The following SGPL1 variants were observed in gnomAD, a reference collection of about 807,000 sequenced individuals.
The protein encoded by SGPL1 is sphingosine-1-phosphate lyase 1.
SGPL1 carries 37 observed loss-of-function variants against 68.9 expected under a neutral mutation model. That is an observed-to-expected ratio of 0.54 (90% CI 0.41 to 0.71). SGPL1 has a LOEUF of 0.71. Ranked by LOEUF, SGPL1 falls within the 30% of genes least tolerant of loss-of-function variation. The probability of loss-of-function intolerance (pLI) is 0.00; values close to 1 mark genes in which losing one functional copy is unlikely to be tolerated. For missense variants in SGPL1, 551 were observed against 704.6 expected, an observed-to-expected ratio of 0.78 and a Z score of 2.47; for synonymous variants, 236 against 248.5, an observed-to-expected ratio of 0.95 and a Z score of 0.47.
chr10:70,834,058 G>T (rs930289593), intron 2 of SGPL1, among the ~76,000 whole-genome samples: 1 of 152,096 alleles, frequency 6.6e-6, no homozygotes, highest in Non-Finnish European at 1.5e-5. Context: ...TCCCTGCTGC[G>T]TGAATACCGG....
chr10:70,865,324 C>CTTT (rs60825486), intron 7 of SGPL1, among the ~76,000 whole-genome samples: 5 of 148,840 alleles, frequency 3.4e-5, no homozygotes, highest in Non-Finnish European at 7.4e-5. Context: ...TGCACTCACC[C>CTTT]TTTTTTTTTT....
At chr10:70,852,835 G>T (rs1399595738) in intron 4 of SGPL1, among the ~76,000 whole-genome samples, 1 of 152,214 alleles carries the variant, frequency 6.6e-6, no homozygotes, top group African/African-American at 2.4e-5. Context: ...GGATATGGTG[G>T]TGAACAAGAC....
chr10:70,825,859 A>AT (rs1661584334), intron 2 of SGPL1, among the ~76,000 whole-genome samples: 1 of 152,174 alleles, frequency 6.6e-6, no homozygotes, highest in South Asian at 2.1e-4. Flanking sequence ...AGTAATAGAG[A>AT]TTTTTTAAAA....
intron 7 of SGPL1, among the ~76,000 whole-genome samples, chr10:70,865,906 A>AT (rs1306675643): frequency 6.6e-6 from 1 of 152,250 alleles, no homozygotes; most frequent in East Asian, 1.9e-4. Context: ...TCTGAAATAC[A>AT]TATCATATGT....
chr10:70,874,368 G>A (rs1257366157), intron 12 of SGPL1, among the ~76,000 whole-genome samples: 3 of 152,170 alleles, frequency 2.0e-5, no homozygotes, highest in Non-Finnish European at 1.5e-5. Context: ...GATCGCTTCA[G>A]CTCAGGAATT....
intron 7 of SGPL1, chr10:70,866,671 G>C (rs1846194066): frequency 6.6e-6 from 1 of 152,200 alleles, no homozygotes. Context: ...CTAAACCACA[G>C]GACATGCTGC....
chr10:70,840,224 G>A (rs181828785), intron 2 of SGPL1, among the ~76,000 whole-genome samples: 79 of 152,186 alleles, frequency 5.2e-4, no homozygotes, highest in African/African-American at 1.8e-3. Flanking sequence ...AAAGGCATGC[G>A]TTCCTAGACT....
chr10:70,869,039 G>A (rs1846244293), intron 8 of SGPL1: 1 of 152,766 alleles, frequency 6.5e-6, no homozygotes, highest in Non-Finnish European at 1.5e-5. Context: ...ACTTGACAAT[G>A]GGGATTTATT....
At chr10:70,816,947 C>A in intron 2 of SGPL1, 67 bp downstream of exon 2, 5 of 1,448,920 alleles carry the variant, frequency 3.5e-6, no homozygotes, top group Non-Finnish European at 4.9e-6. Flanking sequence ...TCCAAAGGAT[C>A]CCAGTGTGTA....
At chr10:70,861,547 TGAG>T (rs927242870) in intron 7 of SGPL1, among the ~76,000 whole-genome samples, 5 of 152,208 alleles carry the variant, frequency 3.3e-5, no homozygotes, top group African/African-American at 4.8e-5. Context: ...TGGCGGCACT[TGAG>T]GAGCTCTTCA....
intron 14 of SGPL1, among the ~76,000 whole-genome samples, chr10:70,876,971 T>G (rs1164829407): frequency 6.6e-6 from 1 of 152,250 alleles, no homozygotes; most frequent in Non-Finnish European, 1.5e-5. Context: ...TGGAATTTTC[T>G]TAGGCTAGTC....
rs1214511097 is a variant in SGPL1, at chr10:70,877,808, CTTT to C, written c.*495_*497del. 30 of 64,762 alleles carry C rather than the reference CTTT, an allele frequency of 4.6e-4. No homozygotes were observed. The highest frequency in any genetic ancestry group is 7.0e-4 in the Non-Finnish European group (25 of 35,526). The allele number at this position is 64,762 out of a possible 1,614,324, so 4.0% of individuals were successfully genotyped here. A position where few individuals can be genotyped will look rare whatever the true frequency, so the allele number is the denominator to read the frequency against. On this transcript the variant is annotated 3_prime_UTR_variant, in exon 15 of 15. Transcript: ENST00000373202. Reference sequence around the variant, plus strand: ...AGGAGGCTTTTTCAGCCTTCTCTCTCTTTTTTTTTTTTTTTTTTTTTTTTGAGA... The same window carrying C: ...AGGAGGCTTTTTCAGCCTTCTCTCTCTTTTTTTTTTTTTTTTTTTTTGAGA...
At chr10:70,853,106 A>T (rs947931869) in intron 4 of SGPL1, among the ~76,000 whole-genome samples, 1 of 152,184 alleles carries the variant, frequency 6.6e-6, no homozygotes, top group African/African-American at 2.4e-5. Flanking sequence ...GTTCTGTTGC[A>T]TGAGTCGCCA....
At chr10:70,856,573 G>T (rs1589464499) in intron 5 of SGPL1, among the ~76,000 whole-genome samples, 2 of 152,176 alleles carry the variant, frequency 1.3e-5, no homozygotes, top group South Asian at 4.1e-4. Flanking sequence ...GGTGACCACT[G>T]GTCTGAAGCT....
At position 70,877,663 on chromosome 10, in the gene SGPL1, T is replaced by C; in HGVS notation, c.*328T>C. On this transcript the variant is annotated 3_prime_UTR_variant, in exon 15 of 15. Coordinates refer to ENST00000373202, the MANE Select transcript of SGPL1 (RefSeq NM_003901.4). ...ATTGTGTGGTAGCTCTGACCTGTCC[T>C]GATTCTTTAGAGAAGCTGGGGTACA... 2 of 236,122 alleles carry C rather than the reference T, an allele frequency of 8.5e-6. No homozygotes were observed. Among genetic ancestry groups the C allele is most frequent in the Non-Finnish European group, 8.4e-6 (1 of 118,950 alleles). The allele number at this position is 236,122 out of a possible 1,614,324, so 14.6% of individuals were successfully genotyped here.
At chr10:70,829,069 A>G (rs1469532565) in intron 2 of SGPL1, among the ~76,000 whole-genome samples, 1 of 152,116 alleles carries the variant, frequency 6.6e-6, no homozygotes, top group Admixed American at 6.5e-5. Flanking sequence ...AGACTCTGTT[A>G]CCCAGCCCTT....
intron 2 of SGPL1, among the ~76,000 whole-genome samples, chr10:70,823,451 T>C (rs1845377410): frequency 1.3e-5 from 2 of 150,818 alleles, no homozygotes; most frequent in African/African-American, 2.4e-5. Context: ...ACCAACCTGA[T>C]GACAAACACT....
intron 2 of SGPL1, among the ~76,000 whole-genome samples, chr10:70,843,048 C>T (rs1845740544): frequency 6.6e-6 from 1 of 152,228 alleles, no homozygotes; most frequent in Non-Finnish European, 1.5e-5. Context: ...CTACTATCCT[C>T]TCTTTCTGGT....
At chr10:70,871,201 C>A in intron 10 of SGPL1, 55 bp downstream of exon 10, 1 of 1,189,462 alleles carries the variant, frequency 8.4e-7, no homozygotes, top group Non-Finnish European at 1.2e-6. Context: ...TAAAACAAAG[C>A]CTAATGGGGC....
Sources: gnomAD v4.1 joint callset for allele counts (sites outside exome capture counted in the v4.1 genomes callset) on GRCh38, gnomAD v4.1.1 for gene constraint, MANE v1.5 for transcripts, NCBI Gene and HGNC (gene_info 2026-07-23, HGNC 2026-07-21) for gene names.